The following GBE1 variants were observed in gnomAD, a reference collection of about 807,000 sequenced individuals.
GBE1 encodes the protein 1,4-alpha-glucan branching enzyme 1, also known as 1,4-alpha-glucan-branching enzyme.
GBE1 carries 70 observed loss-of-function variants against 88.8 expected under a neutral mutation model. The ratio of observed to expected loss-of-function variants is 0.79; its 90% CI spans 0.65 to 0.96. The LOEUF is 0.96. Among genes scored for constraint, GBE1 ranks in the 40% least tolerant of loss-of-function variants. The pLI, the probability that GBE1 is intolerant of heterozygous loss-of-function variation, is 0.00. For synonymous variants in GBE1, 284 were observed against 300.1 expected (o/e 0.95, Z 0.56); for missense variants, 872 against 871.0 (o/e 1.00, Z -0.01).
intron 3 of GBE1, among the ~76,000 whole-genome samples, chr3:81,663,053 C>T (rs1238665646): frequency 6.6e-6 from 1 of 152,094 alleles, no homozygotes; most frequent in African/African-American, 2.4e-5. Context: ...AGATAATTAT[C>T]GAGCTGATAT....
intron 1 of GBE1, among the ~76,000 whole-genome samples, chr3:81,706,920 A>G (rs186266906): frequency 3.2e-3 from 487 of 152,162 alleles, no homozygotes; most frequent in Non-Finnish European, 5.9e-3. Flanking sequence ...ATGAATAAAT[A>G]ATTGAGAATT....
intron 14 of GBE1, among the ~76,000 whole-genome samples, chr3:81,530,277 T>A (rs1017428037): frequency 6.6e-6 from 1 of 151,996 alleles, no homozygotes; most frequent in Non-Finnish European, 1.5e-5. Flanking sequence ...TTCATTTTTT[T>A]TTTTTTCTGT....
chr3:81,715,789 T>C (rs2107182982), intron 1 of GBE1, among the ~76,000 whole-genome samples: 1 of 152,302 alleles, frequency 6.6e-6, no homozygotes, highest in African/African-American at 2.4e-5. Context: ...TGTGCTTATA[T>C]ATAACCAGCC....
At chr3:81,589,259 GTAGA>G (rs1369471193) in intron 9 of GBE1, among the ~76,000 whole-genome samples, 8 of 151,660 alleles carry the variant, frequency 5.3e-5, no homozygotes, top group African/African-American at 1.9e-4. Context: ...ATGTAAAATG[GTAGA>G]TAAACTTGAG....
chr3:81,637,600 A>AT (rs1018155652), intron 7 of GBE1, among the ~76,000 whole-genome samples: 12 of 151,808 alleles, frequency 7.9e-5, no homozygotes, highest in East Asian at 3.9e-4. Flanking sequence ...TTTTTTCTGT[A>AT]TTTTTTTTGT....
At chr3:81,648,187 G>A (rs1415701978) in intron 5 of GBE1, among the ~76,000 whole-genome samples, 3 of 151,974 alleles carry the variant, frequency 2.0e-5, no homozygotes, top group Non-Finnish European at 4.4e-5. Flanking sequence ...ATAATTACAT[G>A]TGCTTTATCC....
intron 7 of GBE1, among the ~76,000 whole-genome samples, chr3:81,632,728 T>A (rs1191292165): frequency 6.6e-6 from 1 of 152,176 alleles, no homozygotes; most frequent in Non-Finnish European, 1.5e-5. Context: ...ATTATATATT[T>A]TACTTTTTCC....
intron 1 of GBE1, among the ~76,000 whole-genome samples, chr3:81,736,347 G>A (rs1299878864): frequency 6.6e-6 from 1 of 152,192 alleles, no homozygotes; most frequent in Non-Finnish European, 1.5e-5. Flanking sequence ...ACCCAAGTTT[G>A]AATCAAATAA....
intron 1 of GBE1, among the ~76,000 whole-genome samples, chr3:81,731,197 A>G (rs1167063670): frequency 6.6e-6 from 1 of 152,096 alleles, no homozygotes; most frequent in African/African-American, 2.4e-5. Context: ...GGGTTTGGCC[A>G]TTTGAAAGGT....
chr3:81,677,731 T>C (rs1559684838), intron 2 of GBE1, among the ~76,000 whole-genome samples: 1 of 152,174 alleles, frequency 6.6e-6, no homozygotes, highest in Non-Finnish European at 1.5e-5. Context: ...CTCCTCTCAG[T>C]TGGGTGCAAA....
chr3:81,739,222 A>C (rs925824587), intron 1 of GBE1, among the ~76,000 whole-genome samples: 3 of 152,186 alleles, frequency 2.0e-5, no homozygotes, highest in Non-Finnish European at 2.9e-5. Flanking sequence ...ACTGCAGCAC[A>C]TAGCAAATAG....
At chr3:81,750,470 G>A (rs1706480743) in intron 1 of GBE1, among the ~76,000 whole-genome samples, 1 of 141,046 alleles carries the variant, frequency 7.1e-6, no homozygotes, top group Non-Finnish European at 1.5e-5. Flanking sequence ...ATGAGCCCAA[G>A]ATAAGATGAA....
intron 1 of GBE1, among the ~76,000 whole-genome samples, chr3:81,725,934 G>A (rs1178650159): frequency 6.6e-6 from 1 of 152,178 alleles, no homozygotes; most frequent in Non-Finnish European, 1.5e-5. Flanking sequence ...GTTCCAAGCA[G>A]TCATTCCCCA....
At chr3:81,620,569 G>A (rs1418798220) in intron 7 of GBE1, among the ~76,000 whole-genome samples, 1 of 151,946 alleles carries the variant, frequency 6.6e-6, no homozygotes, top group Middle Eastern at 3.2e-3. Flanking sequence ...AATAGTTAAC[G>A]AGCATTTATT....
At chr3:81,685,134 T>G (rs1364674224) in intron 2 of GBE1, among the ~76,000 whole-genome samples, 1 of 152,154 alleles carries the variant, frequency 6.6e-6, no homozygotes, top group Non-Finnish European at 1.5e-5. Context: ...TAGCTTCCAG[T>G]ATCTCCACAG....
chr3:81,676,120 T>C (rs1489765019), intron 2 of GBE1, among the ~76,000 whole-genome samples: 1 of 152,162 alleles, frequency 6.6e-6, no homozygotes, highest in Non-Finnish European at 1.5e-5. Context: ...AAATAAATGC[T>C]AATCAACTGT....
At chr3:81,638,027 G>C (rs1465490321) in intron 7 of GBE1, among the ~76,000 whole-genome samples, 1 of 152,014 alleles carries the variant, frequency 6.6e-6, no homozygotes, top group African/African-American at 2.4e-5. Flanking sequence ...ACTCTGAGCA[G>C]GGAGAACCCC....
chr3:81,642,933 AC>A lies in GBE1; in HGVS notation c.839del (p.Gly280ValfsTer3). 1.2e-6 allele frequency: 2 copies of A among 1,613,104 alleles called. No individual in the cohort carries two copies. Among genetic ancestry groups the A allele is most frequent in the Non-Finnish European group, 1.7e-6 (2 of 1,179,356 alleles). ...GTACCACATCTAAGAGGACTATGAT[AC>A]CCATGGAATGAGCTGTGTCTACCAG... ...QELVDTAHSM[G>X]IIVLLDVVHS... On this transcript the variant is annotated frameshift_variant, in exon 7 of 16. Transcript: ENST00000429644. LOFTEE classifies it high-confidence loss of function.
intron 2 of GBE1, among the ~76,000 whole-genome samples, chr3:81,674,692 T>C (rs1055721234): frequency 1.3e-5 from 2 of 151,770 alleles, no homozygotes; most frequent in African/African-American, 4.8e-5. Flanking sequence ...ATATTAATAA[T>C]AATAAATAGT....
Sources: gnomAD v4.1 joint callset for allele counts (sites outside exome capture counted in the v4.1 genomes callset) on GRCh38, gnomAD v4.1.1 for gene constraint, MANE v1.5 for transcripts, NCBI Gene and HGNC (gene_info 2026-07-23, HGNC 2026-07-21) for gene names.